The following NUP214 variants were observed in gnomAD, a reference collection of about 807,000 sequenced individuals.
NUP214 encodes the protein nucleoporin 214, also known as nuclear pore complex protein Nup214.
Under a neutral mutation model 196.2 loss-of-function variants are expected in NUP214, and 79 were observed. The observed-to-expected ratio is 0.40, with a 90% CI of 0.34 to 0.49. NUP214 has a LOEUF of 0.49. NUP214 is among the 20% of genes least tolerant of loss of function. NUP214 has a pLI of 0.58. For missense variants in NUP214, 2,468 were observed against 2,539.0 expected (o/e 0.97, Z 0.60); for synonymous variants, 1,020 against 990.5 (o/e 1.03, Z -0.56).
intron 31 of NUP214, among the ~76,000 whole-genome samples, chr9:131,217,297 CAGA>C (rs1834430624): frequency 6.6e-6 from 1 of 152,220 alleles, no homozygotes; most frequent in South Asian, 2.1e-4. Context: ...ATTATGTAAT[CAGA>C]AGTTTTTGTT....
chr9:131,230,495 C>A, intron 33 of NUP214, 135 bp from the exon 34 acceptor site: 1 of 1,006,046 alleles, frequency 9.9e-7, no homozygotes, highest in Non-Finnish European at 1.5e-6. Flanking sequence ...TGAAAGGCTG[C>A]TAGTTAGGCC....
In NUP214 at chr9:131,198,992, G is replaced by T. The variant is rs781227175; in HGVS notation, c.5498G>T (p.Gly1833Val). 6.3e-7 allele frequency: 1 copy of T among 1,599,258 alleles called. No homozygotes were observed. Among genetic ancestry groups the T allele is most frequent in the Non-Finnish European group, 8.5e-7 (1 of 1,171,356 alleles). ...SAATTTAATSGFSFCQASGFG... is the reference protein window; with the variant it reads ...SAATTTAATSVFSFCQASGFG... The stretch of plus-strand genomic sequence containing the variant: ...GCCACCACAACAGCAGCAACCTCTG[G>T]GTTCAGCTTTTGCCAAGCTTCAGGT... The change falls in exon 29 of 36, where the codon GGG becomes GTG. Residue 1833 changes from glycine to valine, a missense_variant. Gly to Val is a moderately radical substitution (Grantham distance 109, BLOSUM62 -3). This residue lies in a region of NUP214 where 7 missense variants were observed against 22.5 expected (regional missense o/e 0.31). Transcript: ENST00000359428.
intron 11 of NUP214, among the ~76,000 whole-genome samples, chr9:131,141,242 T>C (rs1238710248): frequency 6.6e-6 from 1 of 152,140 alleles, no homozygotes; most frequent in East Asian, 1.9e-4. Context: ...ATGGTGGTTA[T>C]TTCTGGGTGA....
At position 131,233,999 on chromosome 9, in the gene NUP214, G is replaced by A. The variant is rs140634524; in HGVS notation, c.*512G>A. The A allele has an allele frequency of 3.1e-4, 85 of 270,226 alleles. No individual in the cohort carries two copies. In the East Asian group the frequency reaches 4.4e-3, roughly 14 times the overall value. 16.7% of individuals were successfully genotyped at this position (270,226 alleles called of 1,614,324 possible). ...TTGTGTATCAGGACCATCCAAGGAC[G>A]CACTCTGCGATTGAGTGGAGGCAGA... On this transcript the variant is annotated 3_prime_UTR_variant, in exon 36 of 36. Coordinates refer to ENST00000359428, the MANE Select transcript of NUP214 (RefSeq NM_005085.4).
chr9:131,210,474 T>G (rs1352715825), intron 30 of NUP214, among the ~76,000 whole-genome samples: 1 of 151,700 alleles, frequency 6.6e-6, no homozygotes, highest in Non-Finnish European at 1.5e-5. Context: ...CTAAAAATAC[T>G]AAAATTAGCC....
rs1832557537 is a variant in NUP214 at position 131,159,421 on chromosome 9, C to T, written c.2475C>T (p.Val825=). 6.2e-7 allele frequency: 1 copy of T among 1,613,858 alleles called. No individual in the cohort carries two copies. The highest frequency in any genetic ancestry group is 1.3e-5 in the African/African-American group (1 of 74,962). Residue 825 remains valine, a synonymous_variant, in exon 18 of 36, where the codon GTC becomes GTT. Transcript: ENST00000359428. Reference sequence around the variant, plus strand: ...TTCATCAGTATGTGAAATTTGCTGTCCAAGATGTGAATGATGTTCTAGACT... The same window carrying T: ...TTCATCAGTATGTGAAATTTGCTGTTCAAGATGTGAATGATGTTCTAGACT... The part of the protein sequence containing the change: ...RRLHQYVKFA[V]QDVNDVLDLE...
At chr9:131,163,685 A>G (rs956219465) in intron 19 of NUP214, among the ~76,000 whole-genome samples, 185 bp from the exon 20 acceptor site, 6 of 152,124 alleles carry the variant, frequency 3.9e-5, no homozygotes, top group Non-Finnish European at 5.9e-5. Flanking sequence ...TGAGGTGGAG[A>G]TGGTATATAA....
intron 11 of NUP214, among the ~76,000 whole-genome samples, chr9:131,142,644 G>A (rs761193599): frequency 1.2e-4 from 19 of 152,242 alleles, no homozygotes; most frequent in African/African-American, 4.8e-5. Flanking sequence ...TAATATGCAT[G>A]AAAGTGTTTT....
intron 27 of NUP214, among the ~76,000 whole-genome samples, chr9:131,194,470 T>G (rs1833719595): frequency 6.6e-6 from 1 of 152,166 alleles, no homozygotes; most frequent in Admixed American, 6.5e-5. Flanking sequence ...ACTCCTGGGC[T>G]CAAAGGATTA....
chr9:131,155,871 T>C (rs767879301), intron 17 of NUP214, among the ~76,000 whole-genome samples: 2 of 152,196 alleles, frequency 1.3e-5, no homozygotes, highest in African/African-American at 4.8e-5. Context: ...CATGGTGTTT[T>C]GGTGACTATA....
At chr9:131,200,744 T>C (rs1833917893) in intron 29 of NUP214, among the ~76,000 whole-genome samples, 2 of 151,964 alleles carry the variant, frequency 1.3e-5, no homozygotes, top group South Asian at 4.2e-4. Context: ...GTAGAACTCC[T>C]GCCTTCTCAC....
At chr9:131,221,466 A>G (rs1834553119) in intron 31 of NUP214, among the ~76,000 whole-genome samples, 1 of 152,224 alleles carries the variant, frequency 6.6e-6, no homozygotes, top group Non-Finnish European at 1.5e-5. Flanking sequence ...ATCTGGACGT[A>G]TTAACCATGG....
intron 27 of NUP214, 133 bp from the exon 28 acceptor site, chr9:131,195,100 C>G: frequency 1.5e-6 from 1 of 645,978 alleles, no homozygotes; most frequent in Non-Finnish European, 2.7e-6. Flanking sequence ...TGCTTTGACT[C>G]TGTTGTCATT....
Position 131,146,166 on chromosome 9 carries a change from T to G in NUP214, c.1807T>G (p.Ser603Ala). The G allele has an allele frequency of 6.2e-7, 1 of 1,614,126 alleles. No homozygotes were observed. The highest frequency in any genetic ancestry group is 8.5e-7 in the Non-Finnish European group (1 of 1,180,018). Residue 603 changes from serine (S) to alanine (A), a missense_variant, in exon 13 of 36, where the codon TCC becomes GCC. Physicochemically the swap from Ser to Ala is moderately conservative, Grantham distance 99. This residue lies in a region of NUP214 where 1,801 missense variants were observed against 1,779.4 expected (regional missense o/e 1.01). Coordinates refer to ENST00000359428, the MANE Select transcript of NUP214 (RefSeq NM_005085.4). This position sits in a 1 kb window ranked among gnomAD's most constrained non-coding sequence, Gnocchi z 4.6. ...AGCTACCTCTACTCCTGTTAGTAGCTCCCAGAGCGCACCCCCGATGTCGCC... is the reference window on the plus strand; with the variant it reads ...AGCTACCTCTACTCCTGTTAGTAGCGCCCAGAGCGCACCCCCGATGTCGCC... ...AAATSTPVSS[S>A]QSAPPMSPFS...
At position 131,175,633 on chromosome 9, in the gene NUP214, A is replaced by G; in HGVS notation, c.3319+12A>G. On this transcript the variant is annotated intron_variant, in intron 23 of 35. Coordinates refer to ENST00000359428, the MANE Select transcript of NUP214 (RefSeq NM_005085.4). ...CAGTCAGGCACCAGGTAAAAGCTGT[A>G]GCCCCATACCTGTACAGAGGCTGAT... The G allele has an allele frequency of 6.2e-7, 1 of 1,613,974 alleles. No individual in the cohort carries two copies. The highest frequency in any genetic ancestry group is 8.5e-7 in the Non-Finnish European group (1 of 1,179,932).
intron 33 of NUP214, 196 bp downstream of exon 33, chr9:131,228,527 C>T (rs971793802): frequency 1.8e-5 from 9 of 492,760 alleles, no homozygotes; most frequent in Admixed American, 8.7e-5. Flanking sequence ...TTGTTGAATT[C>T]ATGGTGGACC....
At position 131,132,030 on chromosome 9, in the gene NUP214, G is replaced by A. The variant is rs114825989; in HGVS notation, c.664-566G>A. The stretch of plus-strand genomic sequence containing the variant: ...GATTGTCTGCATCAGTGCTAGTGGC[G>A]TTGCTGCTGCAAATGGTGTTGCATT... On this transcript the variant is annotated intron_variant, in intron 5 of 35. Coordinates refer to ENST00000359428, the MANE Select transcript of NUP214 (RefSeq NM_005085.4). 5.7e-3 allele frequency among the ~76,000 whole-genome samples: 867 copies of A among 151,594 alleles called. 9 individuals carry two copies. The highest frequency in any genetic ancestry group is 0.02 in the African/African-American group (811 of 41,276).
rs956428685 is a variant in NUP214 at position 131,151,947 on chromosome 9, C to T, written c.2436+53C>T. Reference sequence around the variant, plus strand: ...AAGATTTAAAAACAAGCTCATGTAACAATTGCTACCTCTTTTTGCATATAG... The same window carrying T: ...AAGATTTAAAAACAAGCTCATGTAATAATTGCTACCTCTTTTTGCATATAG... On this transcript the variant is annotated intron_variant, in intron 17 of 35. Coordinates refer to ENST00000359428, the MANE Select transcript of NUP214 (RefSeq NM_005085.4). 1.7e-5 allele frequency: 24 copies of T among 1,385,136 alleles called. No homozygotes were observed. In the East Asian group the frequency reaches 5.4e-4, roughly 31 times the overall value. The allele number at this position is 1,385,136 out of a possible 1,614,324, so 85.8% of individuals were successfully genotyped here.
At chr9:131,128,689 C>T (rs1482543095) in intron 3 of NUP214, 5 of 478,454 alleles carry the variant, frequency 1.0e-5, no homozygotes, top group Non-Finnish European at 1.8e-5. Flanking sequence ...GCCATCTGCC[C>T]TAAGTTGTTA....
Sources: gnomAD v4.1 joint callset for allele counts (sites outside exome capture counted in the v4.1 genomes callset) on GRCh38, gnomAD v4.1.1 for gene constraint, gnomAD v4.1.1 regional missense constraint, Gnocchi (gnomAD v3.1) non-coding constraint, MANE v1.5 for transcripts, NCBI Gene and HGNC (gene_info 2026-07-23, HGNC 2026-07-21) for gene names.